Variants in URGCP observed in about 807,000 individuals in gnomAD.
The protein encoded by URGCP is up-regulator of cell proliferation.
In URGCP, 13 loss-of-function variants were observed where a neutral mutation model predicts 24.6. The ratio of observed to expected loss-of-function variants is 0.53; its 90% CI spans 0.34 to 0.84. URGCP has a LOEUF of 0.84. Among genes scored for constraint, URGCP ranks in the 40% least tolerant of loss-of-function variants. URGCP has a pLI of 0.01. For synonymous variants in URGCP, 444 were observed against 487.2 expected (o/e 0.91, Z 1.17); for missense variants, 899 against 1,194.3 (o/e 0.75, Z 3.64).
chr7:43,886,926 G>C (rs1487066750), intron 3 of URGCP, among the ~76,000 whole-genome samples: 1 of 152,134 alleles, frequency 6.6e-6, no homozygotes, highest in Non-Finnish European at 1.5e-5. Context: ...AGAAAAACCA[G>C]CCTGTATGGA....
chr7:43,878,766 G>A lies in URGCP; in HGVS notation c.697C>T (p.Arg233Trp), dbSNP rs2132648739. The change falls in exon 6 of 6, where the codon CGG (arginine) becomes TGG (tryptophan). Residue 233 changes from arginine (R) to tryptophan (W), a missense_variant. By Grantham distance (101) the Arg-to-Trp change is moderately radical (BLOSUM62 -3). Transcript: ENST00000453200. This position sits in a 1 kb window ranked among gnomAD's most constrained non-coding sequence, Gnocchi z 5.6. ...GACCACCATGTCCTCACAATGCCCC[G>A]CATGGCCCACAGCAGAAATGTATGG... The part of the protein sequence containing the change: ...HYHTFLLWAM[R>W]GIVRTWWSQP... 2 of 1,613,886 alleles carry A rather than the reference G, an allele frequency of 1.2e-6. No homozygotes were observed. Among genetic ancestry groups the A allele is most frequent in the Non-Finnish European group, 1.7e-6 (2 of 1,179,902 alleles).
At position 43,903,944 on chromosome 7, in the gene URGCP, T is replaced by G. The variant is rs543073961; in HGVS notation, c.14+2618A>C. 2.8e-3 allele frequency among the ~76,000 whole-genome samples: 426 copies of G among 152,320 alleles called. 2 individuals carry two copies. Among genetic ancestry groups the G allele is most frequent in the Non-Finnish European group, 4.1e-3 (278 of 68,016 alleles). ...GAGGAGCTGGCAGACAAGGAAGATC[T>G]GGGCAGTTGTGAGACAGCCAAGCAA... On this transcript the variant is annotated intron_variant, in intron 1 of 5. Coordinates refer to ENST00000453200, the MANE Select transcript of URGCP (RefSeq NM_001077663.3).
At chr7:43,926,528 G>T, upstream of URGCP, 2 of 1,553,294 alleles carry the variant, frequency 1.3e-6, no homozygotes, top group South Asian at 1.2e-5. Flanking sequence ...CGGCAGCGGG[G>T]TAGGATGGCG....
At chr7:43,918,777 G>A (rs941842953) in intron 1 of URGCP, 48 of 924,102 alleles carry the variant, frequency 5.2e-5, no homozygotes, top group Non-Finnish European at 7.4e-5. Flanking sequence ...GCTGTGCACT[G>A]AGCATGGTAT....
Position 43,877,562 on chromosome 7 carries a change from C to G in URGCP, c.1901G>C (p.Gly634Ala). The change falls in exon 6 of 6, where the codon GGG becomes GCG. Residue 634 changes from glycine to alanine, a missense_variant. Gly to Ala is a moderately conservative substitution (Grantham distance 60). Transcript: ENST00000453200. ...ACGCCTCTGGCCTGCCGGCAGCCTC[C>G]CTGCCTCCACAAGACAGCTCTCAGC... ...YEAESCLVEA[G>A]RLPAGQRRFA... 6.2e-7 allele frequency: 1 copy of G among 1,614,058 alleles called. No homozygotes were observed. The highest frequency in any genetic ancestry group is 1.7e-5 in the Admixed American group (1 of 60,034).
intron 1 of URGCP, chr7:43,919,771 T>C: frequency 2.2e-6 from 3 of 1,356,182 alleles, no homozygotes; most frequent in African/African-American, 1.4e-5. Flanking sequence ...AGCATCCAGG[T>C]GGCCCTGTCG....
chr7:43,908,594 C>A (rs2095906726), upstream of URGCP, among the ~76,000 whole-genome samples: 1 of 152,062 alleles, frequency 6.6e-6, no homozygotes, highest in Non-Finnish European at 1.5e-5. Flanking sequence ...TTTTTCTTGC[C>A]CTCCCTGTAA....
chr7:43,900,464 C>CAAAAAAAAAAAA (rs1166653286), intron 1 of URGCP, among the ~76,000 whole-genome samples: 5 of 54,342 alleles, frequency 9.2e-5, no homozygotes, highest in Non-Finnish European at 1.4e-4. Context: ...CAAAAAAAAC[C>CAAAAAAAAAAAA]AAAACAAAAA....
intron 3 of URGCP, among the ~76,000 whole-genome samples, chr7:43,885,537 G>C (rs2095860880): frequency 6.6e-6 from 1 of 152,154 alleles, no homozygotes; most frequent in Non-Finnish European, 1.5e-5. Flanking sequence ...AACCACTGGA[G>C]GTTTATTCAG....
rs980857331 is a variant in URGCP at position 43,878,074 on chromosome 7, G to A, written c.1389C>T (p.Asp463=). ...HAARKLGLKV[D]EDCEECQKAK... is the part of the protein sequence containing the mutation. ...CTTTCTGACACTCCTCACAGTCCTC[G>A]TCGACCTTTAGGCCCAGTTTGCGGG... Residue 463 remains aspartate, a synonymous_variant, in exon 6 of 6, where the codon GAC becomes GAT. Coordinates refer to ENST00000453200, the MANE Select transcript of URGCP (RefSeq NM_001077663.3). This position sits in a 1 kb window ranked among gnomAD's most constrained non-coding sequence, Gnocchi z 5.6. The A allele has an allele frequency of 5.6e-6, 9 of 1,614,178 alleles. No homozygotes were observed. The highest frequency in any genetic ancestry group is 1.3e-5 in the African/African-American group (1 of 75,060).
rs371474575 is a variant in URGCP, at chr7:43,887,408, A to G, written c.112+7T>C. On this transcript the variant is annotated splice_region_variant and intron_variant, in intron 3 of 5. Transcript: ENST00000453200. Reference sequence around the variant, plus strand: ...AGTGGGCCCACATCCAATTCATCCAACTTTACCTGCAATGGCCACAGCTGT... The same window carrying G: ...AGTGGGCCCACATCCAATTCATCCAGCTTTACCTGCAATGGCCACAGCTGT... 110 of 1,613,424 alleles carry G rather than the reference A, an allele frequency of 6.8e-5. No homozygotes were observed. Among genetic ancestry groups the G allele is most frequent in the African/African-American group, 1.2e-4 (9 of 74,982 alleles).
chr7:43,925,012 C>T (rs955830455), intron 1 of URGCP, among the ~76,000 whole-genome samples: 4 of 152,166 alleles, frequency 2.6e-5, no homozygotes, highest in African/African-American at 4.8e-5. Context: ...CCCACCTCAA[C>T]CTCCCAAAGT....
At chr7:43,911,083 T>TA (rs1258538235), upstream of URGCP, among the ~76,000 whole-genome samples, 2 of 151,878 alleles carry the variant, frequency 1.3e-5, no homozygotes, top group Non-Finnish European at 2.9e-5. Flanking sequence ...CATAAGAAAA[T>TA]AGACAGCCTG....
rs368497058 is a variant in URGCP, at chr7:43,919,031, G to GA, written c.-116+7100dup. On this transcript the variant is annotated intron_variant, in intron 1 of 5. Coordinates refer to the URGCP transcript ENST00000426198. ...GGGCCAGCAGATTCTCCCAGAGGGAGAAGATCCATGAGGACATTTTTAACA... is the reference window on the plus strand; with the variant it reads ...GGGCCAGCAGATTCTCCCAGAGGGAGAAAGATCCATGAGGACATTTTTAACA... The GA allele has an allele frequency of 3.3e-4, 368 of 1,114,122 alleles. 2 individuals are homozygous for GA. In the African/African-American group the frequency reaches 5.1e-3, roughly 15 times the overall value. 69.0% of individuals were successfully genotyped at this position (1,114,122 alleles called of 1,614,324 possible).
exon 1 of URGCP, chr7:43,926,389 C>G: frequency 3.5e-6 from 2 of 579,512 alleles, no homozygotes; most frequent in Non-Finnish European, 4.8e-6. Flanking sequence ...ACGCTCGGCA[C>G]GCGGCGACGA....
At chr7:43,913,408 C>T (rs1179471107) in intron 1 of URGCP, among the ~76,000 whole-genome samples, 5 of 151,334 alleles carry the variant, frequency 3.3e-5, no homozygotes, top group East Asian at 1.9e-4. Context: ...TTAGTAGAGA[C>T]GGGGTTTCAC....
chr7:43,881,613 A>G, intron 5 of URGCP, 46 bp downstream of exon 5: 1 of 1,613,584 alleles, frequency 6.2e-7, no homozygotes, highest in South Asian at 1.1e-5. Flanking sequence ...CCTAGATGAT[A>G]ACCCCCTTTC....
chr7:43,882,929 T>C (rs1279422687), intron 3 of URGCP, among the ~76,000 whole-genome samples: 1 of 152,200 alleles, frequency 6.6e-6, no homozygotes, highest in African/African-American at 2.4e-5. Flanking sequence ...CCTGTCAATG[T>C]TATTTTTATT....
At position 43,902,130 on chromosome 7, in the gene URGCP, G is replaced by A. The variant is rs369129991; in HGVS notation, c.14+4432C>T. Among the ~76,000 whole-genome samples the A allele has an allele frequency of 2.1e-4, 32 of 149,608 alleles. 1 individual carries two copies. The highest frequency in any genetic ancestry group is 1.6e-3 in the East Asian group (8 of 4,942). Reference sequence around the variant, plus strand: ...ACAGAGAAGGGAGGAGGAGAGGGAGGAGGAGGGGAAGGGAAGGGGGAGGAG... The same window carrying A: ...ACAGAGAAGGGAGGAGGAGAGGGAGAAGGAGGGGAAGGGAAGGGGGAGGAG... On this transcript the variant is annotated intron_variant, in intron 1 of 5. Transcript: ENST00000453200.
Sources: gnomAD v4.1 joint callset for allele counts (sites outside exome capture counted in the v4.1 genomes callset) on GRCh38, gnomAD v4.1.1 for gene constraint, Gnocchi (gnomAD v3.1) non-coding constraint, MANE v1.5 for transcripts, NCBI Gene and HGNC (gene_info 2026-07-23, HGNC 2026-07-21) for gene names.